The following SAMSN1 variants were observed in gnomAD, a reference collection of about 807,000 sequenced individuals.
SAMSN1 encodes the protein SAM domain-containing protein SAMSN-1.
A neutral mutation model predicts 42.0 loss-of-function variants in SAMSN1; 31 were observed. The observed-to-expected ratio is 0.74, with a 90% CI of 0.55 to 1.00. SAMSN1 has a LOEUF of 1.00. Ranked by LOEUF, SAMSN1 falls within the 50% of genes least tolerant of loss-of-function variation. The pLI is 0.00. For missense variants in SAMSN1, 464 were observed against 439.4 expected (o/e 1.06, Z -0.50); for synonymous variants, 178 against 151.9 (o/e 1.17, Z -1.26).
chr21:14,604,991 A>T (rs1335271883), intron 5 of SAMSN1, among the ~76,000 whole-genome samples: 2 of 152,248 alleles, frequency 1.3e-5, no homozygotes, highest in Non-Finnish European at 2.9e-5. Context: ...GCCACAATAG[A>T]TTATCAGAAC....
At chr21:14,528,218 T>A (rs990743955) in intron 1 of SAMSN1, among the ~76,000 whole-genome samples, 7 of 152,122 alleles carry the variant, frequency 4.6e-5, no homozygotes, top group African/African-American at 1.7e-4. Context: ...GCCTACTCAC[T>A]CCTATAAAAT....
intron 2 of SAMSN1, among the ~76,000 whole-genome samples, chr21:14,617,313 T>C (rs1982865014): frequency 6.6e-6 from 1 of 152,166 alleles, no homozygotes; most frequent in South Asian, 2.1e-4. Flanking sequence ...GTATGCAATC[T>C]CTATTCAAGG....
intron 2 of SAMSN1, among the ~76,000 whole-genome samples, chr21:14,569,614 T>C (rs913786896): frequency 2.0e-5 from 3 of 152,172 alleles, no homozygotes; most frequent in Admixed American, 6.5e-5. Flanking sequence ...TGTATAAAGC[T>C]TTGAAAGTTA....
chr21:14,535,904 T>G (rs1009619471), intron 1 of SAMSN1, among the ~76,000 whole-genome samples: 5 of 152,168 alleles, frequency 3.3e-5, no homozygotes, highest in African/African-American at 1.2e-4. Flanking sequence ...CTCTGATATT[T>G]TGTTATGGCA....
At chr21:14,581,475 C>A (rs1291906366) in intron 2 of SAMSN1, among the ~76,000 whole-genome samples, 1 of 144,068 alleles carries the variant, frequency 6.9e-6, no homozygotes, top group Non-Finnish European at 1.5e-5. Context: ...TCTTCCGCCT[C>A]AGCCTCCCGA....
intron 2 of SAMSN1, among the ~76,000 whole-genome samples, chr21:14,577,669 T>C (rs1981551961): frequency 1.3e-5 from 2 of 152,088 alleles, no homozygotes; most frequent in South Asian, 4.1e-4. Context: ...TTCTTATAAA[T>C]TGATTTGAAA....
intron 6 of SAMSN1, among the ~76,000 whole-genome samples, chr21:14,601,688 C>T (rs1568826712): frequency 6.6e-6 from 1 of 152,132 alleles, no homozygotes; most frequent in Non-Finnish European, 1.5e-5. Flanking sequence ...GGTCAGGACT[C>T]ACAGTTTATG....
At chr21:14,499,342 G>A (rs1482973465) in intron 6 of SAMSN1, among the ~76,000 whole-genome samples, 2 of 152,084 alleles carry the variant, frequency 1.3e-5, no homozygotes, top group African/African-American at 2.4e-5. Context: ...AAAATATTAA[G>A]TGAAGTTGAG....
chr21:14,512,413 C>T, intron 4 of SAMSN1, 31 bp downstream of exon 4: 1 of 1,609,848 alleles, frequency 6.2e-7, no homozygotes, highest in Non-Finnish European at 8.5e-7. Flanking sequence ...ACCTCACACC[C>T]AGGATCTTGT....
intron 3 of SAMSN1, among the ~76,000 whole-genome samples, chr21:14,513,026 C>T (rs573823458): frequency 6.6e-6 from 1 of 152,178 alleles, no homozygotes. Flanking sequence ...CCTACCAGAT[C>T]ACTAGATATG....
chr21:14,536,178 A>C (rs1979602390), intron 1 of SAMSN1, among the ~76,000 whole-genome samples: 2 of 152,224 alleles, frequency 1.3e-5, no homozygotes, highest in Non-Finnish European at 2.9e-5. Flanking sequence ...GGTAATGATA[A>C]ATTTGGAAAC....
At chr21:14,573,454 GTCA>G (rs1441223667) in intron 2 of SAMSN1, among the ~76,000 whole-genome samples, 3 of 152,130 alleles carry the variant, frequency 2.0e-5, no homozygotes, top group African/African-American at 7.2e-5. Context: ...CATTGTTTAA[GTCA>G]TGGCTGATGC....
intron 7 of SAMSN1, among the ~76,000 whole-genome samples, chr21:14,493,240 C>G (rs559877441): frequency 3.9e-5 from 6 of 152,312 alleles, no homozygotes; most frequent in African/African-American, 1.4e-4. Flanking sequence ...TCATTTGGCA[C>G]TGCAACCAGA....
At chr21:14,636,796 G>A (rs370872203) in intron 2 of SAMSN1, among the ~76,000 whole-genome samples, 1 of 152,044 alleles carries the variant, frequency 6.6e-6, no homozygotes, top group East Asian at 1.9e-4. Context: ...CCCTGGGGGT[G>A]GAGCTTGCAG....
chr21:14,536,153 GA>G (rs1367524914), intron 1 of SAMSN1, among the ~76,000 whole-genome samples: 5 of 152,134 alleles, frequency 3.3e-5, no homozygotes, highest in African/African-American at 1.2e-4. Context: ...GAAAGGAGGA[GA>G]AATGGATCAG....
chr21:14,521,176 A>G lies in SAMSN1; in HGVS notation c.103T>C (p.Leu35=), dbSNP rs1305188849. The change falls in exon 2 of 8, where the codon TTA becomes CTA. Residue 35 remains leucine (L), a synonymous_variant. Coordinates refer to ENST00000400566, the MANE Select transcript of SAMSN1 (RefSeq NM_022136.5). ...TCAGTTGAATCATCTGGTTTTGATA[A>G]AGAATTATTCCGAAAACGATCGAAA... ...GNFDRFRNNS[L]SKPDDSTEAH... is the part of the protein sequence containing the mutation. 1.9e-6 allele frequency: 3 copies of G among 1,611,220 alleles called. No individual in the cohort carries two copies. Among genetic ancestry groups the G allele is most frequent in the South Asian group, 1.1e-5 (1 of 90,570 alleles).
At chr21:14,621,526 C>A (rs1015095013) in intron 2 of SAMSN1, among the ~76,000 whole-genome samples, 4 of 152,180 alleles carry the variant, frequency 2.6e-5, no homozygotes, top group Admixed American at 2.6e-4. Context: ...GGATCCCATG[C>A]CCATGGAGCC....
intron 2 of SAMSN1, among the ~76,000 whole-genome samples, chr21:14,638,248 C>T (rs907424503): frequency 6.6e-6 from 1 of 152,088 alleles, no homozygotes; most frequent in Non-Finnish European, 1.5e-5. Flanking sequence ...TCCTTTTTAC[C>T]TAAAATATAT....
Position 14,613,917 on chromosome 21 carries a change from G to T in SAMSN1, c.198-1004C>A, listed in dbSNP as rs564837755. Among the ~76,000 whole-genome samples, 178 of 151,932 alleles carry T rather than the reference G, an allele frequency of 1.2e-3. 1 individual carries two copies. Among genetic ancestry groups the T allele is most frequent in the African/African-American group, 4.1e-3 (172 of 41,454 alleles). ...GGAAACATACAGTAGAGAAAAACAT[G>T]CTTAAAAAAACACAAGGATTCAATC... On this transcript the variant is annotated intron_variant, in intron 3 of 15. Transcript: ENST00000647101.
Sources: allele counts gnomAD v4.1 joint callset (sites outside exome capture counted in the v4.1 genomes callset), GRCh38; gene constraint gnomAD v4.1.1; transcripts MANE v1.5; gene names NCBI Gene and HGNC (gene_info 2026-07-23, HGNC 2026-07-21).